Variants in PYGL observed in about 807,000 individuals in gnomAD.
The protein encoded by PYGL is glycogen phosphorylase L, also known as glycogen phosphorylase, liver form.
A neutral mutation model predicts 100.1 loss-of-function variants in PYGL; 90 were observed. That is an observed-to-expected ratio of 0.90 (90% CI 0.76 to 1.07). PYGL has a LOEUF of 1.07. Among genes scored for constraint, PYGL ranks in the 50% least tolerant of loss-of-function variants. PYGL has a pLI of 0.00. For synonymous variants in PYGL, 373 were observed against 393.0 expected (o/e 0.95, Z 0.60); for missense variants, 1,016 against 1,057.6 (o/e 0.96, Z 0.55).
At chr14:50,944,108 C>G in intron 1 of PYGL, 53 bp downstream of exon 1, 2 of 1,553,766 alleles carry the variant, frequency 1.3e-6, no homozygotes. Context: ...CGGCCGCGGC[C>G]GGAGACTCCG....
At chr14:50,912,359 C>A in intron 13 of PYGL, 56 bp from the exon 14 acceptor site, 2 of 1,589,360 alleles carry the variant, frequency 1.3e-6, no homozygotes, top group South Asian at 1.1e-5. Context: ...ATTGGGTGGT[C>A]TGGTTTTTCT....
intron 9 of PYGL, among the ~76,000 whole-genome samples, chr14:50,916,194 C>T (rs1440156170): frequency 6.6e-6 from 1 of 152,220 alleles, no homozygotes; most frequent in African/African-American, 2.4e-5. Flanking sequence ...CTTAAGACAG[C>T]ATTCTGATCA....
chr14:50,940,862 C>T (rs1890706), intron 1 of PYGL, among the ~76,000 whole-genome samples: 68,137 of 152,038 alleles, frequency 0.45, 16,918 homozygotes, highest in African/African-American at 0.64. Flanking sequence ...TGGGTACTTC[C>T]GGGAAGACCT....
chr14:50,921,149 T>C, intron 5 of PYGL, 82 bp from the exon 6 acceptor site: 2 of 1,089,236 alleles, frequency 1.8e-6, no homozygotes, highest in South Asian at 2.5e-5. Flanking sequence ...GAGACTGCAA[T>C]GGAATTCTAT....
chr14:50,929,089 T>C (rs1205698541), intron 4 of PYGL, among the ~76,000 whole-genome samples: 1 of 152,208 alleles, frequency 6.6e-6, no homozygotes, highest in Non-Finnish European at 1.5e-5. Flanking sequence ...CTCACTCACT[T>C]GCCCAGACTG....
intron 4 of PYGL, among the ~76,000 whole-genome samples, chr14:50,925,814 C>A (rs2050542152): frequency 6.6e-6 from 1 of 152,144 alleles, no homozygotes; most frequent in Non-Finnish European, 1.5e-5. Context: ...TAGAGAGCCA[C>A]TGGAGGAAGG....
Position 50,907,494 on chromosome 14 carries a change from C to T in PYGL, c.2379+777G>A, listed in dbSNP as rs1193712099. On this transcript the variant is annotated intron_variant, in intron 19 of 19. Transcript: ENST00000216392. ...GGCTGGCATCTGTACTATGATGAAGCTACCTTGGTGATTCTGATGTGTACC... is the reference window on the plus strand; with the variant it reads ...GGCTGGCATCTGTACTATGATGAAGTTACCTTGGTGATTCTGATGTGTACC... Among the ~76,000 whole-genome samples, 4 of 152,220 alleles carry T rather than the reference C, an allele frequency of 2.6e-5. No homozygotes were observed. The East Asian group carries it at 7.7e-4, about 29-fold the overall frequency.
intron 6 of PYGL, 90 bp downstream of exon 6, chr14:50,920,866 T>C (rs1159058248): frequency 4.5e-6 from 6 of 1,346,980 alleles, no homozygotes; most frequent in Non-Finnish European, 6.3e-6. Context: ...TCAAGGCTTT[T>C]TTGTTTGTTT....
chr14:50,915,692 G>T, intron 10 of PYGL, 133 bp downstream of exon 10: 1 of 1,424,520 alleles, frequency 7.0e-7, no homozygotes, highest in Admixed American at 2.0e-5. Context: ...CTTTGTTGGA[G>T]CCCCGTTCGG....
Position 50,920,542 on chromosome 14 carries a change from T to C in PYGL, c.854A>G (p.Asn285Ser). ...NISRVLYPND[N>S]FFEGKELRLK... ...AAGAAAGCAACCTTGATCACTCACATTGTCATTGGGATAGAGGACCCGGGA... is the reference window on the plus strand; with the variant it reads ...AAGAAAGCAACCTTGATCACTCACACTGTCATTGGGATAGAGGACCCGGGA... The change falls in exon 7 of 20, where the codon AAT becomes AGT. Residue 285 changes from asparagine (N) to serine (S), a missense_variant and splice_region_variant. Physicochemically the swap from Asn to Ser is conservative, Grantham distance 46. Coordinates refer to ENST00000216392, the MANE Select transcript of PYGL (RefSeq NM_002863.5). The C allele has an allele frequency of 6.2e-7, 1 of 1,609,090 alleles. No individual in the cohort carries two copies.
intron 7 of PYGL, among the ~76,000 whole-genome samples, chr14:50,919,990 G>T (rs975866668): frequency 3.5e-5 from 5 of 144,198 alleles, no homozygotes; most frequent in Non-Finnish European, 7.6e-5. Flanking sequence ...GGCCCCAAGT[G>T]TTTTTTTTTT....
rs901648862 is a variant in PYGL at position 50,915,388 on chromosome 14, G to A, written c.1351C>T (p.His451Tyr). 1 of 1,614,138 alleles carries A rather than the reference G, an allele frequency of 6.2e-7. No homozygotes were observed. The highest frequency in any genetic ancestry group is 1.1e-5 in the South Asian group (1 of 91,084). ...ATTTTAGCCACGCCATTCACAGCAT[G>A]GGAACCGACAATGCAGAGATGGGCC... Reference protein sequence around the residue: ...NMAHLCIVGSHAVNGVAKIHS... With the variant: ...NMAHLCIVGSYAVNGVAKIHS... The change falls in exon 11 of 20, where the codon CAT becomes TAT. Residue 451 changes from histidine (H) to tyrosine (Y), a missense_variant. Transcript: ENST00000216392.
At chr14:50,933,723 C>CTACATATT (rs2050624762) in intron 3 of PYGL, among the ~76,000 whole-genome samples, 1 of 151,948 alleles carries the variant, frequency 6.6e-6, no homozygotes, top group Non-Finnish European at 1.5e-5. Context: ...ACCTTTTTTT[C>CTACATATT]TACATATTCA....
rs1030640206 is a variant in PYGL, at chr14:50,912,585, C to T, written c.1621-282G>A. On this transcript the variant is annotated intron_variant, in intron 13 of 19. Transcript: ENST00000216392. ...CTTGAATGCCTGACCTCAGGTGATT[C>T]ACCCTCCTTGGCTGCCCAAGTGCTA... 3.3e-5 allele frequency among the ~76,000 whole-genome samples: 5 copies of T among 152,174 alleles called. No homozygotes were observed. The South Asian group carries it at 6.2e-4, about 19-fold the overall frequency.
intron 19 of PYGL, among the ~76,000 whole-genome samples, chr14:50,907,307 C>A (rs2050345489): frequency 6.6e-6 from 1 of 152,076 alleles, no homozygotes; most frequent in Non-Finnish European, 1.5e-5. Context: ...GATACAGCCC[C>A]CTCCATGAGA....
intron 4 of PYGL, among the ~76,000 whole-genome samples, chr14:50,927,555 A>G (rs1279404228): frequency 3.9e-5 from 6 of 152,192 alleles, no homozygotes; most frequent in African/African-American, 1.4e-4. Flanking sequence ...ACACTCTTAC[A>G]TGAGATTCTT....
chr14:50,917,340 C>T (rs981981619), intron 7 of PYGL, among the ~76,000 whole-genome samples: 1 of 152,128 alleles, frequency 6.6e-6, no homozygotes, highest in East Asian at 1.9e-4. Context: ...GGGATAAAGA[C>T]AATAGCAACA....
intron 9 of PYGL, 62 bp from the exon 10 acceptor site, chr14:50,916,033 A>C: frequency 1.2e-6 from 2 of 1,604,980 alleles, no homozygotes; most frequent in South Asian, 2.2e-5. Context: ...GCACGGGCCA[A>C]ACCCTTCTTC....
At chr14:50,938,964 G>A (rs553651121) in intron 1 of PYGL, among the ~76,000 whole-genome samples, 5 of 152,224 alleles carry the variant, frequency 3.3e-5, no homozygotes, top group East Asian at 1.9e-4. Flanking sequence ...CCCACACACC[G>A]CATGGGTAGA....
Sources: gnomAD v4.1 joint callset for allele counts (sites outside exome capture counted in the v4.1 genomes callset) on GRCh38, gnomAD v4.1.1 for gene constraint, MANE v1.5 for transcripts, NCBI Gene and HGNC (gene_info 2026-07-23, HGNC 2026-07-21) for gene names.